SLC30A3: variants seen among roughly 807,000 people sequenced by gnomAD.
SLC30A3 encodes the protein probable proton-coupled zinc antiporter SLC30A3.
SLC30A3 carries 20 observed loss-of-function variants against 35.6 expected under a neutral mutation model. That is an observed-to-expected ratio of 0.56 (90% CI 0.39 to 0.82). SLC30A3 has a LOEUF of 0.82. Among genes scored for constraint, SLC30A3 ranks in the 40% least tolerant of loss-of-function variants. SLC30A3 has a pLI of 0.00. For missense variants in SLC30A3, 401 were observed against 530.6 expected (o/e 0.76, Z 2.40); for synonymous variants, 217 against 224.7 (o/e 0.97, Z 0.31).
At chr2:27,264,127 T>A (rs1195475702), upstream of SLC30A3, 2 of 1,155,522 alleles carry the variant, frequency 1.7e-6, no homozygotes, top group Middle Eastern at 2.3e-4. The surrounding 1 kb of genome is among the most constrained non-coding windows in gnomAD (Gnocchi z 6.1). Flanking sequence ...CACTCGAAGC[T>A]GTGACAGTCT....
At chr2:27,256,740 A>ATG in intron 6 of SLC30A3, 48 bp downstream of exon 6, 1 of 1,431,280 alleles carries the variant, frequency 7.0e-7, no homozygotes, top group Non-Finnish European at 9.7e-7. Flanking sequence ...CTGCGAGAGT[A>ATG]AAGTCAGAGA....
At chr2:27,264,681 T>TGAGGGGGTAAGGGAGC (rs1257090820), upstream of SLC30A3, among the ~76,000 whole-genome samples, 2 of 148,316 alleles carry the variant, frequency 1.3e-5, no homozygotes, top group African/African-American at 5.3e-5. The surrounding 1 kb of genome is among the most constrained non-coding windows in gnomAD (Gnocchi z 6.1). Flanking sequence ...CCATGAGGGG[T>TGAGGGGGTAAGGGAGC]GAGGGGGTAA....
At chr2:27,260,296 C>T (rs1467380994) in intron 1 of SLC30A3, among the ~76,000 whole-genome samples, 1 of 152,162 alleles carries the variant, frequency 6.6e-6, no homozygotes, top group Admixed American at 6.5e-5. Context: ...GGGGTGCAGC[C>T]TGCTATGGCT....
chr2:27,257,801 C>A lies in SLC30A3; in HGVS notation c.578+104G>T, dbSNP rs995596578. Reference sequence around the variant, plus strand: ...GGCAGCCCATGGAGAGCTGTGTGTGCGTGTCTGTGTGTCTGGTGGGGAGGA... The same window carrying A: ...GGCAGCCCATGGAGAGCTGTGTGTGAGTGTCTGTGTGTCTGGTGGGGAGGA... On this transcript the variant is annotated intron_variant, in intron 4 of 7. Coordinates refer to ENST00000233535, the MANE Select transcript of SLC30A3 (RefSeq NM_003459.5). This position sits in a 1 kb window ranked among gnomAD's most constrained non-coding sequence, Gnocchi z 4.7. 8.6e-7 allele frequency: 1 copy of A among 1,160,614 alleles called. No homozygotes were observed. The highest frequency in any genetic ancestry group is 2.0e-4 in the Middle Eastern group (1 of 4,920). 71.9% of individuals were successfully genotyped at this position (1,160,614 alleles called of 1,614,324 possible).
In SLC30A3 at chr2:27,257,256, C is replaced by G. The variant is rs780347830; in HGVS notation, c.675G>C (p.Leu225=). The G allele has an allele frequency of 5.6e-6, 9 of 1,613,942 alleles. No homozygotes were observed. The East Asian group carries it at 2.0e-4, about 36-fold the overall frequency. Residue 225 remains leucine (L), a synonymous_variant, in exon 5 of 8, where the codon CTG becomes CTC. Coordinates refer to ENST00000233535, the MANE Select transcript of SLC30A3 (RefSeq NM_003459.5). The surrounding 1 kb of genome is among the most constrained non-coding windows in gnomAD (Gnocchi z 4.7). ...APLEEGPEEP[L]PLGNTSVRAA... ...CCCGGACGCTGGTGTTCCCCAGGGG[C>G]AGGGGCTCTTCAGGCCCCTCCTCCA...
chr2:27,258,160 C>T lies in SLC30A3; in HGVS notation c.424+1G>A. 1 of 1,596,412 alleles carries T rather than the reference C, an allele frequency of 6.3e-7. No homozygotes were observed. The highest frequency in any genetic ancestry group is 2.2e-5 in the East Asian group (1 of 44,572). ...GTCACTGGGCCATGCAGGGGCCTTACCTGAACGGTGCCAGCCAAAGGTCAT... is the reference window on the plus strand; with the variant it reads ...GTCACTGGGCCATGCAGGGGCCTTATCTGAACGGTGCCAGCCAAAGGTCAT... On this transcript the variant is annotated splice_donor_variant, in intron 3 of 7. Coordinates refer to ENST00000233535, the MANE Select transcript of SLC30A3 (RefSeq NM_003459.5). LOFTEE classifies it high-confidence loss of function. This position sits in a 1 kb window ranked among gnomAD's most constrained non-coding sequence, Gnocchi z 4.0.
chr2:27,273,190 C>T (rs985340714), intron 1 of SLC30A3, among the ~76,000 whole-genome samples: 5 of 151,050 alleles, frequency 3.3e-5, no homozygotes, highest in Non-Finnish European at 5.9e-5. Flanking sequence ...TCTGAGGAGG[C>T]CTGAAGCTGA....
intron 1 of SLC30A3, among the ~76,000 whole-genome samples, chr2:27,260,016 A>G (rs1677098213): frequency 6.6e-6 from 1 of 152,116 alleles, no homozygotes; most frequent in Admixed American, 6.6e-5. Flanking sequence ...AAGACAGGTG[A>G]ATGCTATGCC....
Position 27,258,048 on chromosome 2 carries a change from C to T in SLC30A3, c.435G>A (p.Gly145=). ...AGAGGGAGACCACAGAGGCCAAAGCCCCCAGAGTCTCTGCGGGTGGGGGGG... is the reference window on the plus strand; with the variant it reads ...AGAGGGAGACCACAGAGGCCAAAGCTCCCAGAGTCTCTGCGGGTGGGGGGG... ...TFGWHRSETL[G]ALASVVSLWM... is the part of the protein sequence containing the mutation. The change falls in exon 4 of 8, where the codon GGG becomes GGA. Residue 145 remains glycine (G), a synonymous_variant. Transcript: ENST00000233535. This position sits in a 1 kb window ranked among gnomAD's most constrained non-coding sequence, Gnocchi z 4.0. 1 of 1,614,074 alleles carries T rather than the reference C, an allele frequency of 6.2e-7. No homozygotes were observed. Among genetic ancestry groups the T allele is most frequent in the South Asian group, 1.1e-5 (1 of 91,084 alleles).
At chr2:27,264,703 G>T (rs979114756), upstream of SLC30A3, among the ~76,000 whole-genome samples, 5 of 152,236 alleles carry the variant, frequency 3.3e-5, no homozygotes, top group South Asian at 6.2e-4. The surrounding 1 kb of genome is among the most constrained non-coding windows in gnomAD (Gnocchi z 6.1). Flanking sequence ...GGAGCGAGGG[G>T]GTCGTTCTCC....
At chr2:27,274,955 C>T (rs927950823) in intron 1 of SLC30A3, among the ~76,000 whole-genome samples, 8 of 152,152 alleles carry the variant, frequency 5.3e-5, no homozygotes, top group African/African-American at 1.9e-4. Flanking sequence ...CGTGCAAACT[C>T]ATCATTACGA....
Position 27,257,896 on chromosome 2 carries a change from G to A in SLC30A3, c.578+9C>T, listed in dbSNP as rs779414621. On this transcript the variant is annotated intron_variant, in intron 4 of 7. Coordinates refer to ENST00000233535, the MANE Select transcript of SLC30A3 (RefSeq NM_003459.5). The surrounding 1 kb of genome is among the most constrained non-coding windows in gnomAD (Gnocchi z 4.7). The stretch of plus-strand genomic sequence containing the variant: ...CCCCACAAGGTGCCTGCTCCATACT[G>A]GGACGTACAACAGGTTGGCACAGAC... The A allele has an allele frequency of 1.2e-6, 2 of 1,612,200 alleles. No homozygotes were observed. Among genetic ancestry groups the A allele is most frequent in the Non-Finnish European group, 1.7e-6 (2 of 1,179,236 alleles).
rs1475147896 is a variant in SLC30A3, at chr2:27,262,844, G to T, written c.63C>A (p.Arg21=). The change falls in exon 1 of 8, where the codon CGC becomes CGA. Residue 21 remains arginine (R), a synonymous_variant. Coordinates refer to ENST00000233535, the MANE Select transcript of SLC30A3 (RefSeq NM_003459.5). The surrounding 1 kb of genome is among the most constrained non-coding windows in gnomAD (Gnocchi z 7.5). Reference sequence around the variant, plus strand: ...AACGCAGGCTGCCTCCGGCGCCACCGCGGTCCCGGGGGCTCACCAGGCGAG... The same window carrying T: ...AACGCAGGCTGCCTCCGGCGCCACCTCGGTCCCGGGGGCTCACCAGGCGAG... ...ETTRLVSPRD[R]GGAGGSLRLK... The T allele has an allele frequency of 1.9e-6, 3 of 1,566,344 alleles. No individual in the cohort carries two copies. The African/African-American group carries it at 4.3e-5, about 22-fold the overall frequency.
At chr2:27,275,385 A>G (rs1677969426), upstream of SLC30A3, 1 of 420,778 alleles carries the variant, frequency 2.4e-6, no homozygotes, top group Non-Finnish European at 4.4e-6. Context: ...TCCCAGGGCC[A>G]ATGTGGCCTC....
intron 7 of SLC30A3, 98 bp downstream of exon 7, chr2:27,256,287 CA>C (rs1558556221): frequency 7.1e-7 from 1 of 1,399,696 alleles, no homozygotes; most frequent in South Asian, 1.2e-5. Flanking sequence ...AGAGACAGAT[CA>C]AAAAAGACTG....
At position 27,257,729 on chromosome 2, in the gene SLC30A3, G is replaced by T; in HGVS notation, c.578+176C>A. ...GGCAGGCCCTTGACAGAGATCTGCT[G>T]ACTGAATTTTAGGTCTCTATCCCAG... On this transcript the variant is annotated intron_variant, in intron 4 of 7. Coordinates refer to ENST00000233535, the MANE Select transcript of SLC30A3 (RefSeq NM_003459.5). This position sits in a 1 kb window ranked among gnomAD's most constrained non-coding sequence, Gnocchi z 4.7. The T allele has an allele frequency of 1.5e-6, 1 of 657,960 alleles. No homozygotes were observed. Among genetic ancestry groups the T allele is most frequent in the Non-Finnish European group, 2.6e-6 (1 of 388,424 alleles). The allele number at this position is 657,960 out of a possible 1,614,324, so 40.8% of individuals were successfully genotyped here.
intron 1 of SLC30A3, among the ~76,000 whole-genome samples, chr2:27,268,920 C>T (rs971100003): frequency 6.6e-6 from 1 of 151,956 alleles, no homozygotes; most frequent in African/African-American, 2.4e-5. Flanking sequence ...ATGAGGCCAG[C>T]AACGGGGAGA....
intron 1 of SLC30A3, among the ~76,000 whole-genome samples, chr2:27,274,680 A>T (rs72817536): frequency 6.7e-6 from 1 of 149,978 alleles, no homozygotes; most frequent in Non-Finnish European, 1.5e-5. Context: ...TAAAAAAAAA[A>T]GAAAAGAAAA....
upstream of SLC30A3, chr2:27,263,091 C>A: frequency 5.9e-6 from 8 of 1,347,626 alleles, no homozygotes; most frequent in Non-Finnish European, 7.6e-6. Context: ...GCCGCCGGAG[C>A]CCCGCCCCGC....
Sources: gnomAD v4.1 joint callset for allele counts (sites outside exome capture counted in the v4.1 genomes callset) on GRCh38, gnomAD v4.1.1 for gene constraint, Gnocchi (gnomAD v3.1) non-coding constraint, MANE v1.5 for transcripts, NCBI Gene and HGNC (gene_info 2026-07-23, HGNC 2026-07-21) for gene names.